The following CLCA2 variants were observed in gnomAD, a reference collection of about 807,000 sequenced individuals.
CLCA2 encodes the protein chloride channel accessory 2.
Under a neutral mutation model 82.9 loss-of-function variants are expected in CLCA2, and 85 were observed. That is an observed-to-expected ratio of 1.03 (90% CI 0.86 to 1.23). The LOEUF (loss-of-function observed/expected upper bound fraction) is 1.23. CLCA2 is among the 50% of genes most tolerant of loss of function. The pLI is 0.00. For synonymous variants in CLCA2, 421 were observed against 391.7 expected (o/e 1.07, Z -0.88); for missense variants, 1,089 against 1,124.8 (o/e 0.97, Z 0.45).
At position 86,441,446 on chromosome 1, in the gene CLCA2, A is replaced by T; in HGVS notation, c.1391A>T (p.Lys464Met). 6.3e-7 allele frequency: 1 copy of T among 1,596,738 alleles called. No homozygotes were observed. The highest frequency in any genetic ancestry group is 8.6e-7 in the Non-Finnish European group (1 of 1,166,210). ...EELSRLTGGL[K>M]FFVPDISNSN... ...CTATCATGTATTTCAGGAGGTTTAA[A>T]GTTCTTTGTTCCAGATATATCAAAC... The change falls in exon 9 of 14, where the codon AAG becomes ATG. Residue 464 changes from lysine to methionine, a missense_variant. Lys to Met is a moderately conservative substitution (Grantham distance 95). Transcript: ENST00000370565.
At position 86,430,772 on chromosome 1, in the gene CLCA2, T is replaced by C. The variant is rs1227457273; in HGVS notation, c.476-90T>C. On this transcript the variant is annotated intron_variant, in intron 3 of 13. Coordinates refer to ENST00000370565, the MANE Select transcript of CLCA2 (RefSeq NM_006536.7). ...CTCTTTGGTCATTCCAAAGAGTATGTGTGGTCAAGAAATGTTACGTCTTCA... is the reference window on the plus strand; with the variant it reads ...CTCTTTGGTCATTCCAAAGAGTATGCGTGGTCAAGAAATGTTACGTCTTCA... 28 of 919,644 alleles carry C rather than the reference T, an allele frequency of 3.0e-5. No individual in the cohort carries two copies. The East Asian group carries it at 3.4e-4, about 11-fold the overall frequency. The allele number at this position is 919,644 out of a possible 1,614,324, so 57.0% of individuals were successfully genotyped here.
chr1:86,438,094 C>T (rs952738272), intron 6 of CLCA2, among the ~76,000 whole-genome samples: 5 of 152,046 alleles, frequency 3.3e-5, no homozygotes, highest in African/African-American at 1.2e-4. Flanking sequence ...AAACCTGTGT[C>T]CTAAGAAGTG....
intron 10 of CLCA2, among the ~76,000 whole-genome samples, chr1:86,446,512 G>T (rs1662857571): frequency 6.6e-6 from 1 of 152,134 alleles, no homozygotes; most frequent in Non-Finnish European, 1.5e-5. Context: ...TGATGTGGAA[G>T]TTCCTGCCAT....
chr1:86,425,853 A>T (rs1480597329), intron 2 of CLCA2, among the ~76,000 whole-genome samples: 1 of 152,224 alleles, frequency 6.6e-6, no homozygotes, highest in East Asian at 1.9e-4. Flanking sequence ...AGCAATAAAC[A>T]TGCATGTCCA....
In CLCA2 at chr1:86,434,700, C is replaced by T; in HGVS notation, c.927C>T (p.Asp309=). The T allele has an allele frequency of 1.9e-6, 3 of 1,614,092 alleles. No individual in the cohort carries two copies. Among genetic ancestry groups the T allele is most frequent in the South Asian group, 1.1e-5 (1 of 91,080 alleles). Residue 309 remains aspartate (D), a synonymous_variant, in exon 6 of 14, where the codon GAC becomes GAT. Transcript: ENST00000370565. ...CATTCTCGCTTGTACAGGCTGGTGA[C>T]AAAGTGGTCTGTTTAGTGCTGGATG... ...PPTFSLVQAG[D]KVVCLVLDVS... is the part of the protein sequence containing the mutation.
chr1:86,428,548 C>T lies in CLCA2; in HGVS notation c.455C>T (p.Thr152Ile), dbSNP rs55736627. 9.8e-3 allele frequency: 15,862 copies of T among 1,613,320 alleles called. 129 individuals carry two copies. The highest frequency in any genetic ancestry group is 0.02 in the South Asian group (1,862 of 91,004). The stretch of plus-strand genomic sequence containing the variant: ...AATTTCCTACTGAATGATAACTTAA[C>T]AGCTGGCTACGGATCACGAGGTAAG... ...TPNFLLNDNL[T>I]AGYGSRGRVF... Residue 152 changes from threonine to isoleucine, a missense_variant, in exon 3 of 14, where the codon ACA becomes ATA. By Grantham distance (89) the Thr-to-Ile change is moderately conservative. Transcript: ENST00000370565.
rs1054582930 is a variant in CLCA2 at position 86,442,816 on chromosome 1, C to G, written c.1489-971C>G. On this transcript the variant is annotated intron_variant, in intron 9 of 13. Transcript: ENST00000370565. ...AGGCCCACTGGGTTTTATCACGGTT[C>G]CATTCCCTTGGTATGTGACATCGGC... Among the ~76,000 whole-genome samples, 3 of 152,184 alleles carry G rather than the reference C, an allele frequency of 2.0e-5. No individual in the cohort carries two copies. The East Asian group carries it at 5.8e-4, about 29-fold the overall frequency.
Position 86,453,354 on chromosome 1 carries a change from T to C in CLCA2, c.2156-15T>C. 1 of 1,598,684 alleles carries C rather than the reference T, an allele frequency of 6.3e-7. No homozygotes were observed. The highest frequency in any genetic ancestry group is 1.1e-5 in the South Asian group (1 of 88,672). Reference sequence around the variant, plus strand: ...TAATTTGTCATTTTGCCTTTTTTTTTCTTTTTTGTCTCAGGTAATATTCAG... The same window carrying C: ...TAATTTGTCATTTTGCCTTTTTTTTCCTTTTTTGTCTCAGGTAATATTCAG... On this transcript the variant is annotated splice_polypyrimidine_tract_variant and intron_variant, in intron 12 of 13. Coordinates refer to ENST00000370565, the MANE Select transcript of CLCA2 (RefSeq NM_006536.7).
intron 3 of CLCA2, among the ~76,000 whole-genome samples, chr1:86,429,601 A>G (rs1035058312): frequency 2.0e-5 from 3 of 152,284 alleles, no homozygotes; most frequent in Admixed American, 1.3e-4. Context: ...AGGCCTAGAG[A>G]CTGGTATTTA....
intron 12 of CLCA2, among the ~76,000 whole-genome samples, chr1:86,451,587 A>G (rs962782299): frequency 6.6e-6 from 1 of 151,362 alleles, no homozygotes; most frequent in Non-Finnish European, 1.5e-5. Context: ...ATTACCTCCT[A>G]TTTTCTGGAA....
rs201936117 is a variant in CLCA2 at position 86,455,130 on chromosome 1, A to G, written c.2435A>G (p.Gln812Arg). ...IRMSKSLQNI[Q>R]DDFNNAILVN... ...ATGAGTAAAAGTCTACAGAATATCC[A>G]AGATGACTTTAACAATGCTATTTTA... The change falls in exon 14 of 14, where the codon CAA becomes CGA. Residue 812 changes from glutamine to arginine, a missense_variant. Gln to Arg is a conservative substitution (Grantham distance 43, BLOSUM62 1). Transcript: ENST00000370565. The G allele has an allele frequency of 4.4e-4, 714 of 1,606,072 alleles. 1 individual carries two copies. Among genetic ancestry groups the G allele is most frequent in the Non-Finnish European group, 5.7e-4 (665 of 1,174,908 alleles).
intron 2 of CLCA2, among the ~76,000 whole-genome samples, chr1:86,427,960 C>T (rs748642220): frequency 2.3e-4 from 35 of 152,242 alleles, no homozygotes; most frequent in Non-Finnish European, 2.2e-4. Flanking sequence ...AAATAACCCA[C>T]AGAAAGTTGT....
chr1:86,447,490 A>C lies in CLCA2; in HGVS notation c.1714-18A>C. ...TTTTTTTTTCACACTTTCCAAAACA[A>C]TAAGACTTGTTTTACAGCCTGGGCA... On this transcript the variant is annotated intron_variant, in intron 10 of 13. Transcript: ENST00000370565. The C allele has an allele frequency of 1.2e-6, 2 of 1,606,084 alleles. No homozygotes were observed. Among genetic ancestry groups the C allele is most frequent in the South Asian group, 2.2e-5 (2 of 90,166 alleles).
chr1:86,429,179 C>T (rs968974812), intron 3 of CLCA2, among the ~76,000 whole-genome samples: 2 of 152,018 alleles, frequency 1.3e-5, no homozygotes, highest in Non-Finnish European at 2.9e-5. Context: ...TGGGAGAAGT[C>T]GAGGTATGAG....
intron 12 of CLCA2, among the ~76,000 whole-genome samples, chr1:86,451,686 G>C (rs2101712424): frequency 6.6e-6 from 1 of 152,084 alleles, no homozygotes; most frequent in South Asian, 2.1e-4. Context: ...TTACCATCTG[G>C]AGCCACATTG....
rs1421451204 is a variant in CLCA2 at position 86,453,375 on chromosome 1, T to C, written c.2162T>C (p.Ile721Thr). 6.2e-7 allele frequency: 1 copy of C among 1,613,450 alleles called. No homozygotes were observed. The highest frequency in any genetic ancestry group is 8.5e-7 in the Non-Finnish European group (1 of 1,179,560). Reference protein sequence around the residue: ...YVPGYTANGNIQMNAPRKSVG... With the variant: ...YVPGYTANGNTQMNAPRKSVG... ...TTTTTCTTTTTTGTCTCAGGTAATA[T>C]TCAGATGAATGCTCCAAGGAAATCA... is the stretch of plus-strand genomic sequence containing the variant. Residue 721 changes from isoleucine (I) to threonine (T), a missense_variant, in exon 13 of 14, where the codon ATT becomes ACT. By Grantham distance (89) the Ile-to-Thr change is moderately conservative. Coordinates refer to ENST00000370565, the MANE Select transcript of CLCA2 (RefSeq NM_006536.7).
intron 8 of CLCA2, among the ~76,000 whole-genome samples, chr1:86,440,940 G>A (rs1662717934): frequency 6.6e-6 from 1 of 151,630 alleles, no homozygotes; most frequent in Non-Finnish European, 1.5e-5. Flanking sequence ...TCTATAATAG[G>A]GACACACACA....
At chr1:86,433,663 C>T (rs10493790) in intron 5 of CLCA2, among the ~76,000 whole-genome samples, 42,708 of 152,126 alleles carry the variant, frequency 0.28, 6,549 homozygotes, top group Non-Finnish European at 0.34. Context: ...AGTTAAACAA[C>T]GCAAAGCAAA....
Position 86,447,791 on chromosome 1 carries a change from G to A in CLCA2, c.1984+13G>A, listed in dbSNP as rs1662886587. On this transcript the variant is annotated intron_variant, in intron 11 of 13. Transcript: ENST00000370565. ...GATGATGGAGCAGGTAACAAGGAAT[G>A]TCATGACATTTTATCATCTTCTCAA... 1 of 1,606,552 alleles carries A rather than the reference G, an allele frequency of 6.2e-7. No homozygotes were observed. Among genetic ancestry groups the A allele is most frequent in the Non-Finnish European group, 8.5e-7 (1 of 1,178,368 alleles).
Sources: gnomAD v4.1 joint callset for allele counts (sites outside exome capture counted in the v4.1 genomes callset) on GRCh38, gnomAD v4.1.1 for gene constraint, MANE v1.5 for transcripts, NCBI Gene and HGNC (gene_info 2026-07-23, HGNC 2026-07-21) for gene names.